Variants in TMEM244 observed in about 807,000 individuals in gnomAD.
TMEM244 encodes putative transmembrane protein 244.
In TMEM244, 13 loss-of-function variants were observed where a neutral mutation model predicts 15.8. The observed-to-expected ratio is 0.82, with a 90% confidence interval of 0.53 to 1.30. The LOEUF (loss-of-function observed/expected upper bound fraction) is 1.30. Ranked by LOEUF, TMEM244 falls within the 50% of genes most tolerant of loss-of-function variation. TMEM244 has a pLI of 0.00. For missense variants in TMEM244, 161 were observed against 144.9 expected (o/e 1.11, Z -0.57); for synonymous variants, 45 against 48.7 (o/e 0.92, Z 0.32).
At position 129,831,359 on chromosome 6, in the gene TMEM244, T is replaced by A; in HGVS notation, c.347A>T (p.His116Leu). The change falls in exon 5 of 5, where the codon CAT (histidine) becomes CTT (leucine). Residue 116 changes from histidine (H) to leucine (L), a missense_variant. Physicochemically the swap from His to Leu is moderately conservative, Grantham distance 99. Transcript: ENST00000368143. ...TGATATACCTAAAGCAGCCCACCAA[T>A]GTGATGTCAAGGGGAATTCCAACAT... ...TVMLEFPLTS[H>L]WWAALGISKL... is the part of the protein sequence containing the mutation. 6.3e-7 allele frequency: 1 copy of A among 1,581,036 alleles called. No homozygotes were observed. The highest frequency in any genetic ancestry group is 1.1e-5 in the South Asian group (1 of 90,558).
At chr6:129,852,651 A>G (rs1002124622) in intron 1 of TMEM244, among the ~76,000 whole-genome samples, 5 of 152,182 alleles carry the variant, frequency 3.3e-5, no homozygotes, top group Non-Finnish European at 7.3e-5. Context: ...AGGGCAATGA[A>G]GAGGCAGGTA....
intron 1 of TMEM244, among the ~76,000 whole-genome samples, chr6:129,858,188 T>C (rs1776746051): frequency 1.3e-5 from 2 of 152,166 alleles, no homozygotes; most frequent in Admixed American, 1.3e-4. Context: ...TTATTTTTTG[T>C]ACTATATTTA....
At chr6:129,851,446 T>C (rs9492401) in intron 1 of TMEM244, among the ~76,000 whole-genome samples, 12,568 of 152,170 alleles carry the variant, frequency 0.083, 999 homozygotes, top group African/African-American at 0.21. Context: ...TTTTTTGTAT[T>C]TTTAGTAGAG....
rs866667594 is a variant in TMEM244, at chr6:129,833,508, C to T, written c.271G>A (p.Asp91Asn). 6.2e-7 allele frequency: 1 copy of T among 1,613,250 alleles called. No homozygotes were observed. The highest frequency in any genetic ancestry group is 8.5e-7 in the Non-Finnish European group (1 of 1,179,602). ...FVPVVEEWVW[D>N]YAISVTILHV... ...AGAATAGTGACTGAAATAGCATAAT[C>T]CCAAACCCATTCTTCCACAACTGGA... The change falls in exon 4 of 5, where the codon GAT becomes AAT. Residue 91 changes from aspartate (D) to asparagine (N), a missense_variant. Asp to Asn is a conservative substitution (Grantham distance 23, BLOSUM62 1). Coordinates refer to ENST00000368143, the MANE Select transcript of TMEM244 (RefSeq NM_001010876.2).
chr6:129,842,760 T>G (rs1282004029), intron 3 of TMEM244, among the ~76,000 whole-genome samples: 1 of 151,818 alleles, frequency 6.6e-6, no homozygotes, highest in Non-Finnish European at 1.5e-5. Flanking sequence ...TTAATTAATA[T>G]GTTTTATGAT....
intron 3 of TMEM244, among the ~76,000 whole-genome samples, chr6:129,842,016 T>C (rs1776497727): frequency 6.6e-6 from 1 of 152,194 alleles, no homozygotes; most frequent in Non-Finnish European, 1.5e-5. Context: ...GATATCTTTG[T>C]ACAAATGTTT....
chr6:129,836,564 A>G (rs992283414), intron 3 of TMEM244, among the ~76,000 whole-genome samples: 1 of 152,198 alleles, frequency 6.6e-6, no homozygotes, highest in Non-Finnish European at 1.5e-5. Flanking sequence ...CTGGGTGGAG[A>G]ATGAGTTTGA....
At chr6:129,861,123 G>A (rs1776802355) in intron 1 of TMEM244, 33 bp downstream of exon 1, 2 of 1,612,726 alleles carry the variant, frequency 1.2e-6, no homozygotes, top group Non-Finnish European at 1.7e-6. Context: ...GGCAGCAACT[G>A]AAAGGCAATG....
rs147059718 is a variant in TMEM244 at position 129,838,819 on chromosome 6, G to C, written c.193+4711C>G. On this transcript the variant is annotated intron_variant, in intron 3 of 4. Transcript: ENST00000368143. The stretch of plus-strand genomic sequence containing the variant: ...TAAACACCTCTGTGCAAATAAACTA[G>C]AAAATCTAGAAGAAATGGATAAATT... Among the ~76,000 whole-genome samples, 380 of 152,238 alleles carry C rather than the reference G, an allele frequency of 2.5e-3. 2 individuals carry two copies. Among genetic ancestry groups the C allele is most frequent in the African/African-American group, 8.9e-3 (368 of 41,544 alleles).
intron 1 of TMEM244, among the ~76,000 whole-genome samples, chr6:129,858,373 T>C (rs572173425): frequency 2.8e-4 from 42 of 152,262 alleles, no homozygotes; most frequent in African/African-American, 9.9e-4. Context: ...CTCCATTTAG[T>C]CTATGGAAAC....
intron 3 of TMEM244, among the ~76,000 whole-genome samples, chr6:129,835,598 GGTGTT>G (rs1776393508): frequency 2.0e-5 from 3 of 152,072 alleles, no homozygotes; most frequent in Non-Finnish European, 4.4e-5. Context: ...AGCAGGGCAG[GGTGTT>G]GCCTCACCCG....
chr6:129,832,759 T>G (rs770878812), intron 4 of TMEM244, among the ~76,000 whole-genome samples: 1 of 152,154 alleles, frequency 6.6e-6, no homozygotes, highest in Non-Finnish European at 1.5e-5. Context: ...ACCCACCTAG[T>G]AAAAGGTAGG....
At position 129,860,139 on chromosome 6, in the gene TMEM244, GTGTGTGTGTC is replaced by G. The variant is rs763969917; in HGVS notation, c.33+1007_33+1016del. Among the ~76,000 whole-genome samples, 1,200 of 146,758 alleles carry G rather than the reference GTGTGTGTGTC, an allele frequency of 8.2e-3. 8 individuals are homozygous for G. The highest frequency in any genetic ancestry group is 0.014 in the African/African-American group (556 of 39,550). On this transcript the variant is annotated intron_variant, in intron 1 of 4. Coordinates refer to ENST00000368143, the MANE Select transcript of TMEM244 (RefSeq NM_001010876.2). ...TGTGTGTGTGTGTGTGTGTGTGTGT[GTGTGTGTGTC>G]TGTCTGTCTGGTCTGTGTAAGCCCC...
intron 3 of TMEM244, among the ~76,000 whole-genome samples, chr6:129,836,010 A>G (rs1232889353): frequency 1.3e-5 from 2 of 152,196 alleles, no homozygotes; most frequent in Non-Finnish European, 2.9e-5. Context: ...GGCAGCAGTC[A>G]GCTTCTGCAG....
intron 3 of TMEM244, among the ~76,000 whole-genome samples, chr6:129,834,661 T>C (rs1221976091): frequency 6.6e-6 from 1 of 152,224 alleles, no homozygotes; most frequent in Non-Finnish European, 1.5e-5. Flanking sequence ...TTCTATTTAA[T>C]TTAACTTAAC....
intron 3 of TMEM244, among the ~76,000 whole-genome samples, chr6:129,834,349 G>T (rs1419615755): frequency 6.6e-6 from 1 of 152,160 alleles, no homozygotes; most frequent in Admixed American, 6.5e-5. Flanking sequence ...ACTTTAAAGT[G>T]ACAAATATAT....
chr6:129,849,725 C>G (rs973325720), intron 1 of TMEM244, among the ~76,000 whole-genome samples: 1 of 152,064 alleles, frequency 6.6e-6, no homozygotes. Flanking sequence ...TCAGCTGTAC[C>G]TATTACCACA....
At chr6:129,856,949 A>C (rs1776720992) in intron 1 of TMEM244, among the ~76,000 whole-genome samples, 3 of 151,996 alleles carry the variant, frequency 2.0e-5, no homozygotes, top group Admixed American at 2.0e-4. Context: ...ATATAGTGTT[A>C]ATATATGATT....
At chr6:129,843,752 A>C (rs1584186081) in intron 2 of TMEM244, 149 bp from the exon 3 acceptor site, 1 of 546,288 alleles carries the variant, frequency 1.8e-6, no homozygotes, top group African/African-American at 1.9e-5. Context: ...TGGAATGTGA[A>C]GGAATCAGCA....
Sources: gnomAD v4.1 joint callset for allele counts (sites outside exome capture counted in the v4.1 genomes callset) on GRCh38, gnomAD v4.1.1 for gene constraint, MANE v1.5 for transcripts, NCBI Gene and HGNC (gene_info 2026-07-23, HGNC 2026-07-21) for gene names.